Variants in PDLIM3 observed in about 807,000 individuals in gnomAD.
The protein encoded by PDLIM3 is PDZ and LIM domain 3, also known as PDZ and LIM domain protein 3.
PDLIM3 carries 36 observed loss-of-function variants against 37.3 expected under a neutral mutation model. The ratio of observed to expected loss-of-function variants is 0.97; its 90% confidence interval spans 0.74 to 1.28. The LOEUF is 1.28. Ranked by LOEUF, PDLIM3 falls within the 50% of genes most tolerant of loss-of-function variation. The pLI is 0.00. For missense variants in PDLIM3, 454 were observed against 485.0 expected, an observed-to-expected ratio of 0.94 and a Z score of 0.60; for synonymous variants, 174 against 182.4, an observed-to-expected ratio of 0.95 and a Z score of 0.37.
In PDLIM3 at chr4:185,504,723, T is replaced by C; in HGVS notation, c.794-137A>G. On this transcript the variant is annotated intron_variant, in intron 6 of 7. Coordinates refer to ENST00000284767, the MANE Select transcript of PDLIM3 (RefSeq NM_014476.6). This position sits in a 1 kb window ranked among gnomAD's most constrained non-coding sequence, Gnocchi z 4.7. Reference sequence around the variant, plus strand: ...TCCGAGAGGGGCAGGACTGATGCAATCATAAGGGACGCTGTTCTGAAATAG... The same window carrying C: ...TCCGAGAGGGGCAGGACTGATGCAACCATAAGGGACGCTGTTCTGAAATAG... 1 of 701,502 alleles carries C rather than the reference T, an allele frequency of 1.4e-6. No homozygotes were observed. The highest frequency in any genetic ancestry group is 2.6e-6 in the Non-Finnish European group (1 of 387,252). The allele number at this position is 701,502 out of a possible 1,614,324, so 43.5% of individuals were successfully genotyped here.
At chr4:185,509,342 T>C (rs2095703017) in intron 4 of PDLIM3, among the ~76,000 whole-genome samples, 1 of 152,218 alleles carries the variant, frequency 6.6e-6, no homozygotes, top group Non-Finnish European at 1.5e-5. Context: ...GTTTCACTCT[T>C]TCGATGCTTA....
chr4:185,518,957 A>T (rs1305868893), intron 3 of PDLIM3, among the ~76,000 whole-genome samples: 1 of 152,200 alleles, frequency 6.6e-6, no homozygotes, highest in East Asian at 1.9e-4. Flanking sequence ...TTGTATTGTG[A>T]CAGGCACAGT....
At position 185,500,870 on chromosome 4, in the gene PDLIM3, G is replaced by A. The variant is rs1469070768; in HGVS notation, c.*1424C>T. 1.3e-5 allele frequency: 2 copies of A among 152,424 alleles called. No homozygotes were observed. Among genetic ancestry groups the A allele is most frequent in the Admixed American group, 6.5e-5 (1 of 15,294 alleles). 9.4% of individuals were successfully genotyped at this position (152,424 alleles called of 1,614,324 possible). A position where few individuals can be genotyped will look rare whatever the true frequency, so the allele number is the denominator to read the frequency against. Reference sequence around the variant, plus strand: ...TTGTGTCCCATTTGGGACCTTATGGGAGGAGAACACTTGTTTCAGGCCAGA... The same window carrying A: ...TTGTGTCCCATTTGGGACCTTATGGAAGGAGAACACTTGTTTCAGGCCAGA... On this transcript the variant is annotated 3_prime_UTR_variant, in exon 8 of 8. Transcript: ENST00000284767.
At chr4:185,529,503 C>T (rs1014712621) in intron 1 of PDLIM3, among the ~76,000 whole-genome samples, 1 of 152,232 alleles carries the variant, frequency 6.6e-6, no homozygotes, top group African/African-American at 2.4e-5. Flanking sequence ...GGACCAAAAT[C>T]ATGAGAAACC....
chr4:185,528,331 AT>A (rs1249624596), intron 1 of PDLIM3, among the ~76,000 whole-genome samples: 1 of 152,196 alleles, frequency 6.6e-6, no homozygotes, highest in African/African-American at 2.4e-5. Flanking sequence ...TCTAAGTCCA[AT>A]ATCTATTGAT....
At position 185,504,487 on chromosome 4, in the gene PDLIM3, C is replaced by A. The variant is rs775360491; in HGVS notation, c.893G>T (p.Gly298Val). The change falls in exon 7 of 8, where the codon GGG becomes GTG. Residue 298 changes from glycine to valine, a missense_variant. Gly to Val is a moderately radical substitution (Grantham distance 109). Transcript: ENST00000284767. The surrounding 1 kb of genome is among the most constrained non-coding windows in gnomAD (Gnocchi z 4.7). ...AAGTGAAACTTACACTATGCCACTC[C>A]CACATTTGTCACAGAGCGGCATCCT... is the stretch of plus-strand genomic sequence containing the variant. Reference protein sequence around the residue: ...AQRMPLCDKCGSGIVGAVVKA... With the variant: ...AQRMPLCDKCVSGIVGAVVKA... 18 of 1,612,914 alleles carry A rather than the reference C, an allele frequency of 1.1e-5. No individual in the cohort carries two copies. In the South Asian group the frequency reaches 1.6e-4, roughly 15 times the overall value.
chr4:185,513,286 G>A (rs958876164), intron 4 of PDLIM3: 56 of 985,164 alleles, frequency 5.7e-5, no homozygotes, highest in Non-Finnish European at 6.6e-5. Context: ...GGCATATTTT[G>A]AGACAATCAC....
chr4:185,519,050 C>T (rs1337959636), intron 3 of PDLIM3, among the ~76,000 whole-genome samples: 1 of 152,098 alleles, frequency 6.6e-6, no homozygotes, highest in Non-Finnish European at 1.5e-5. Context: ...GGACAAAGAG[C>T]TTCATTAACA....
Position 185,525,098 on chromosome 4 carries a change from C to A in PDLIM3, c.167G>T (p.Gly56Val). The A allele has an allele frequency of 6.2e-7, 1 of 1,614,154 alleles. No individual in the cohort carries two copies. The change falls in exon 2 of 8, where the codon GGG (glycine) becomes GTG (valine). Residue 56 changes from glycine to valine, a missense_variant. Coordinates refer to ENST00000284767, the MANE Select transcript of PDLIM3 (RefSeq NM_014476.6). ...ATCAGCATGAGTCATGGACTCTGTCCCAAAGCCGTCAATAGCCAGGATGAC... is the reference window on the plus strand; with the variant it reads ...ATCAGCATGAGTCATGGACTCTGTCACAAAGCCGTCAATAGCCAGGATGAC... The part of the protein sequence containing the change: ...GDVILAIDGF[G>V]TESMTHADAQ...
At chr4:185,526,505 T>C (rs1035993833) in intron 1 of PDLIM3, among the ~76,000 whole-genome samples, 4 of 152,210 alleles carry the variant, frequency 2.6e-5, no homozygotes, top group African/African-American at 9.6e-5. Context: ...AAAAATATGG[T>C]TTCCCATAAT....
At chr4:185,513,742 A>T (rs1453359200) in intron 4 of PDLIM3, 1 of 1,022,616 alleles carries the variant, frequency 9.8e-7, no homozygotes, top group Non-Finnish European at 1.2e-6. Context: ...TTGGCAATAC[A>T]GGGCATTATT....
intron 2 of PDLIM3, 24 bp from the exon 3 acceptor site, chr4:185,523,470 A>C (rs2095726296): frequency 7.1e-7 from 1 of 1,418,020 alleles, no homozygotes; most frequent in Non-Finnish European, 1.0e-6. Context: ...AAAATTTGTA[A>C]ACTTCAAATT....
intron 4 of PDLIM3, chr4:185,513,042 T>C (rs754427216): frequency 1.0e-6 from 1 of 985,434 alleles, no homozygotes; most frequent in Non-Finnish European, 1.2e-6. Flanking sequence ...AGTGAGCATT[T>C]ATTGGGCATT....
Position 185,508,307 on chromosome 4 carries a change from A to T in PDLIM3, c.654T>A (p.Pro218=). Residue 218 remains proline (P), a synonymous_variant, in exon 5 of 8, where the codon CCT becomes CCA. Coordinates refer to ENST00000284767, the MANE Select transcript of PDLIM3 (RefSeq NM_014476.6). ...GQVSTALGET[P]LMSEPTASVP... is the part of the protein sequence containing the mutation. ...AAAGAGACTCATATTACCTCATCAA[A>T]GGTGTTTCCCCTAGGGCTGTTGAAA... The T allele has an allele frequency of 6.2e-7, 1 of 1,614,142 alleles. No individual in the cohort carries two copies. The highest frequency in any genetic ancestry group is 1.1e-5 in the South Asian group (1 of 91,088).
At chr4:185,505,914 T>G (rs1418601413) in intron 6 of PDLIM3, among the ~76,000 whole-genome samples, 1 of 152,222 alleles carries the variant, frequency 6.6e-6, no homozygotes, top group African/African-American at 2.4e-5. Context: ...TCTATATCTT[T>G]TGGGCATGGA....
chr4:185,519,816 G>T (rs2095720529), intron 3 of PDLIM3, among the ~76,000 whole-genome samples: 1 of 152,128 alleles, frequency 6.6e-6, no homozygotes, highest in Admixed American at 6.5e-5. Context: ...TACAATAAAA[G>T]TTTGACTTGG....
intron 4 of PDLIM3, chr4:185,513,986 T>TG: frequency 7.8e-7 from 1 of 1,287,486 alleles, no homozygotes; most frequent in Non-Finnish European, 9.9e-7. Flanking sequence ...AAGGTCACAG[T>TG]GTTCTGGATG....
rs751273771 is a variant in PDLIM3, at chr4:185,506,612, G to A, written c.703C>T (p.Arg235Trp). Residue 235 changes from arginine to tryptophan, a missense_variant, in exon 6 of 8, where the codon CGG (arginine) becomes TGG (tryptophan). By Grantham distance (101) the Arg-to-Trp change is moderately radical. Coordinates refer to ENST00000284767, the MANE Select transcript of PDLIM3 (RefSeq NM_014476.6). The stretch of plus-strand genomic sequence containing the variant: ...TCATTCCGATTGTCGTGGAGCATCC[G>A]GTACACGTCCGACTCGGGGGGCACC... ...ASVPPESDVY[R>W]MLHDNRNEPT... 8 of 1,610,518 alleles carry A rather than the reference G, an allele frequency of 5.0e-6. No homozygotes were observed. The highest frequency in any genetic ancestry group is 2.7e-5 in the African/African-American group (2 of 75,032).
chr4:185,524,870 T>C (rs981679537), intron 2 of PDLIM3, 150 bp downstream of exon 2: 3 of 716,240 alleles, frequency 4.2e-6, no homozygotes, highest in East Asian at 2.5e-5. Context: ...TGACTGACTT[T>C]AGTAAAGAAT....
Sources: allele counts gnomAD v4.1 joint callset (sites outside exome capture counted in the v4.1 genomes callset), GRCh38; gene constraint gnomAD v4.1.1; non-coding constraint Gnocchi (gnomAD v3.1); transcripts MANE v1.5; gene names NCBI Gene and HGNC (gene_info 2026-07-23, HGNC 2026-07-21).